Variants in MDFIC observed in about 807,000 individuals in gnomAD.
MDFIC encodes myoD family inhibitor domain-containing protein.
A neutral mutation model predicts 23.2 loss-of-function variants in MDFIC; 17 were observed. That is an observed-to-expected ratio of 0.73 (90% CI 0.50 to 1.10). The LOEUF (loss-of-function observed/expected upper bound fraction) is 1.10. Among genes scored for constraint, MDFIC ranks in the 50% least tolerant of loss-of-function variants. MDFIC has a pLI of 0.00. For missense variants in MDFIC, 356 were observed against 316.6 expected (o/e 1.12, Z -0.95); for synonymous variants, 120 against 115.2 (o/e 1.04, Z -0.27).
chr7:115,007,630 G>GTATATATATATATA (rs10528546), intron 4 of MDFIC, among the ~76,000 whole-genome samples: 43 of 132,928 alleles, frequency 3.2e-4, no homozygotes, highest in Middle Eastern at 3.6e-3. Flanking sequence ...GCGTGTGTGT[G>GTATATATATATATA]TATATATATA....
intron 4 of MDFIC, among the ~76,000 whole-genome samples, chr7:115,009,852 CTT>C (rs1791645845): frequency 6.6e-6 from 1 of 152,200 alleles, no homozygotes; most frequent in Non-Finnish European, 1.5e-5. Context: ...CTTTTAGCTA[CTT>C]GGCTTCTGGA....
At chr7:114,942,216 A>T in intron 2 of MDFIC, 59 bp from the exon 3 acceptor site, 1 of 1,128,458 alleles carries the variant, frequency 8.9e-7, no homozygotes, top group East Asian at 2.9e-5. Flanking sequence ...TGTATATACT[A>T]AAAAAGGAGA....
intron 3 of MDFIC, among the ~76,000 whole-genome samples, chr7:114,954,992 C>T (rs1052137586): frequency 1.3e-5 from 2 of 152,146 alleles, no homozygotes; most frequent in African/African-American, 2.4e-5. Flanking sequence ...TTCTGCCTCT[C>T]GTCGGTCTTT....
rs1186865525 is a variant in MDFIC at position 114,999,357 on chromosome 7, T to G, written c.494-16331T>G. ...ATGATTCTTTTTTTCTAGATTGAAT[T>G]AGATTCTCATGGTATTTGAATTGAT... On this transcript the variant is annotated intron_variant, in intron 4 of 4. Coordinates refer to ENST00000393486, the MANE Select transcript of MDFIC (RefSeq NM_001166345.3). Among the ~76,000 whole-genome samples, 4 of 152,190 alleles carry G rather than the reference T, an allele frequency of 2.6e-5. No homozygotes were observed. The East Asian group carries it at 5.8e-4, about 22-fold the overall frequency.
intron 4 of MDFIC, among the ~76,000 whole-genome samples, chr7:114,993,548 GT>G (rs1389805804): frequency 6.6e-6 from 1 of 152,144 alleles, no homozygotes; most frequent in African/African-American, 2.4e-5. Flanking sequence ...CTGGTATGTT[GT>G]GTCTTTGTTC....
chr7:114,946,676 G>A (rs926712764), intron 3 of MDFIC, among the ~76,000 whole-genome samples: 1 of 152,010 alleles, frequency 6.6e-6, no homozygotes, highest in Non-Finnish European at 1.5e-5. Flanking sequence ...AGAGTTTTTA[G>A]CTCTCATAAT....
In MDFIC at chr7:115,016,092, AAATC is replaced by A; in HGVS notation, c.*158_*161del. 1 of 699,142 alleles carries A rather than the reference AAATC, an allele frequency of 1.4e-6. No individual in the cohort carries two copies. The highest frequency in any genetic ancestry group is 2.3e-6 in the Non-Finnish European group (1 of 430,442). 43.3% of individuals were successfully genotyped at this position (699,142 alleles called of 1,614,324 possible). On this transcript the variant is annotated 3_prime_UTR_variant, in exon 5 of 5. Coordinates refer to ENST00000393486, the MANE Select transcript of MDFIC (RefSeq NM_001166345.3). ...CTCTGAAAGCCTTTTTACTTTAACCAAATCTACATGGTTTAATATGTGAAATTTT... is the reference window on the plus strand; with the variant it reads ...CTCTGAAAGCCTTTTTACTTTAACCATACATGGTTTAATATGTGAAATTTT...
At chr7:114,959,161 A>G (rs1199119698) in intron 3 of MDFIC, among the ~76,000 whole-genome samples, 1 of 152,196 alleles carries the variant, frequency 6.6e-6, no homozygotes, top group Non-Finnish European at 1.5e-5. Flanking sequence ...AGCCTAAAAA[A>G]CAAAATTAGA....
intron 2 of MDFIC, among the ~76,000 whole-genome samples, chr7:114,929,555 G>A (rs1792270072): frequency 6.6e-6 from 1 of 152,158 alleles, no homozygotes; most frequent in South Asian, 2.1e-4. Flanking sequence ...TAAGGGAGAT[G>A]GTGGAAAAGT....
At chr7:114,977,548 T>G (rs1793340493) in intron 3 of MDFIC, among the ~76,000 whole-genome samples, 1 of 152,150 alleles carries the variant, frequency 6.6e-6, no homozygotes, top group South Asian at 2.1e-4. Flanking sequence ...CAAGCCATAC[T>G]TCTCTTCTGG....
intron 3 of MDFIC, among the ~76,000 whole-genome samples, chr7:114,956,348 TACAC>T (rs35201842): frequency 1.5e-3 from 176 of 120,164 alleles, no homozygotes; most frequent in Non-Finnish European, 2.7e-3. Context: ...TATATATATA[TACAC>T]ACACACATAT....
At chr7:114,941,194 G>A (rs1223000385) in intron 2 of MDFIC, among the ~76,000 whole-genome samples, 3 of 152,168 alleles carry the variant, frequency 2.0e-5, no homozygotes, top group Non-Finnish European at 4.4e-5. Flanking sequence ...AGCCAGAACT[G>A]AGAATCACAA....
chr7:115,003,251 T>C (rs1346401991), intron 4 of MDFIC, among the ~76,000 whole-genome samples: 1 of 152,096 alleles, frequency 6.6e-6, no homozygotes, highest in Admixed American at 6.6e-5. Flanking sequence ...TCCTGGGTGG[T>C]TGAATAAGCC....
intron 3 of MDFIC, among the ~76,000 whole-genome samples, chr7:114,969,043 C>T (rs80028024): frequency 0.01 from 1,591 of 152,212 alleles, 32 homozygotes; most frequent in African/African-American, 0.034. Flanking sequence ...CTTTCAGTTA[C>T]GAAATTTGAC....
At chr7:115,005,640 A>C (rs568576964) in intron 4 of MDFIC, among the ~76,000 whole-genome samples, 1 of 152,330 alleles carries the variant, frequency 6.6e-6, no homozygotes, top group South Asian at 2.1e-4. Context: ...TTGCATAAGA[A>C]AACTAGGTTT....
chr7:114,978,649 AC>A lies in MDFIC; in HGVS notation c.218-856del, dbSNP rs199864094. Among the ~76,000 whole-genome samples the A allele has an allele frequency of 5.3e-4, 81 of 151,988 alleles. 1 individual carries two copies. In the East Asian group the frequency reaches 0.013, roughly 24 times the overall value. ...TGTATCAATCTTGCTACATTTTTAG[AC>A]TTTCAGTTTTTATAGTCTTAAACTT... On this transcript the variant is annotated intron_variant, in intron 3 of 4. Coordinates refer to ENST00000393486, the MANE Select transcript of MDFIC (RefSeq NM_001166345.3).
intron 4 of MDFIC, among the ~76,000 whole-genome samples, chr7:115,007,920 C>A (rs1562829410): frequency 7.1e-6 from 1 of 140,738 alleles, no homozygotes; most frequent in African/African-American, 2.7e-5. Context: ...GGTAGTCAAA[C>A]TCCTGGGCTC....
intron 3 of MDFIC, among the ~76,000 whole-genome samples, chr7:114,957,959 T>G (rs1792914231): frequency 6.6e-6 from 1 of 152,154 alleles, no homozygotes. Flanking sequence ...TTTAATAGGG[T>G]TTGGTCATTT....
chr7:114,967,285 A>G (rs1793116491), intron 3 of MDFIC, among the ~76,000 whole-genome samples: 1 of 152,188 alleles, frequency 6.6e-6, no homozygotes, highest in African/African-American at 2.4e-5. Context: ...GTTCTGGCCA[A>G]TGAGATGTGA....
Sources: gnomAD v4.1 joint callset for allele counts (sites outside exome capture counted in the v4.1 genomes callset) on GRCh38, gnomAD v4.1.1 for gene constraint, MANE v1.5 for transcripts, NCBI Gene and HGNC (gene_info 2026-07-23, HGNC 2026-07-21) for gene names.